The following CLCA1 variants were observed in gnomAD, a reference collection of about 807,000 sequenced individuals.
The protein encoded by CLCA1 is calcium-activated chloride channel regulator 1.
CLCA1 carries 59 observed loss-of-function variants against 85.6 expected under a neutral mutation model. That is an observed-to-expected ratio of 0.69 (90% CI 0.56 to 0.86). CLCA1 has a LOEUF of 0.86. Ranked by LOEUF, CLCA1 falls within the 40% of genes least tolerant of loss-of-function variation. The probability of loss-of-function intolerance (pLI) is 0.00; values close to 1 mark genes in which losing one functional copy is unlikely to be tolerated. For synonymous variants in CLCA1, 396 were observed against 398.3 expected, an observed-to-expected ratio of 0.99 and a Z score of 0.07; for missense variants, 1,022 against 1,101.4, an observed-to-expected ratio of 0.93 and a Z score of 1.02.
At chr1:86,481,263 A>T (rs1647812931) in intron 4 of CLCA1, among the ~76,000 whole-genome samples, 1 of 151,852 alleles carries the variant, frequency 6.6e-6, no homozygotes, top group South Asian at 2.1e-4. Context: ...TAGCTTCCCG[A>T]GTAGCTGGGA....
chr1:86,493,735 A>G (rs2101746292), intron 10 of CLCA1, 136 bp downstream of exon 10: 1 of 677,612 alleles, frequency 1.5e-6, no homozygotes, highest in Non-Finnish European at 2.5e-6. Flanking sequence ...AACGAGGAAA[A>G]AAAATCTCCA....
Position 86,489,022 on chromosome 1 carries a change from T to A in CLCA1, c.1209T>A (p.Asp403Glu). Residue 403 changes from aspartate to glutamate, a missense_variant, in exon 8 of 14, where the codon GAT becomes GAA. Asp to Glu is a conservative substitution (Grantham distance 45). Transcript: ENST00000394711. ...FTVIRKKYPTDGSEIVLLTDG... is the reference protein window; with the variant it reads ...FTVIRKKYPTEGSEIVLLTDG... Reference sequence around the variant, plus strand: ...TGATTAGGAAGAAATATCCAACTGATGGATCTGAAATTGTGCTGCTGACGG... The same window carrying A: ...TGATTAGGAAGAAATATCCAACTGAAGGATCTGAAATTGTGCTGCTGACGG... 6.2e-7 allele frequency: 1 copy of A among 1,614,074 alleles called. No individual in the cohort carries two copies. The highest frequency in any genetic ancestry group is 8.5e-7 in the Non-Finnish European group (1 of 1,179,974).
rs772061363 is a variant in CLCA1 at position 86,486,571 on chromosome 1, C to G, written c.1000C>G (p.Leu334Val). The G allele has an allele frequency of 1.4e-5, 22 of 1,614,026 alleles. No homozygotes were observed. In the Admixed American group the frequency reaches 3.7e-4, roughly 27 times the overall value. The change falls in exon 7 of 14, where the codon CTG (leucine) becomes GTG (valine). Residue 334 changes from leucine (L) to valine (V), a missense_variant. By Grantham distance (32) the Leu-to-Val change is conservative (BLOSUM62 1). Transcript: ENST00000394711. ...NRLNQAGQLF[L>V]LQTVELGSWV... ...ACTGAATCAAGCAGGCCAGCTTTTCCTGCTGCAGACAGTTGAGCTGGGGTC... is the reference window on the plus strand; with the variant it reads ...ACTGAATCAAGCAGGCCAGCTTTTCGTGCTGCAGACAGTTGAGCTGGGGTC...
intron 8 of CLCA1, among the ~76,000 whole-genome samples, chr1:86,489,395 G>A (rs1648076307): frequency 1.3e-5 from 2 of 152,172 alleles, no homozygotes; most frequent in African/African-American, 4.8e-5. Context: ...AACTAGCACA[G>A]CACTCTAGTG....
intron 5 of CLCA1, 70 bp from the exon 6 acceptor site, chr1:86,485,273 G>A (rs530443387): frequency 1.6e-6 from 2 of 1,217,198 alleles, no homozygotes; most frequent in African/African-American, 3.0e-5. Context: ...GAGCAGACAG[G>A]TCTAACAAAT....
chr1:86,483,356 C>T (rs746091690), intron 5 of CLCA1, among the ~76,000 whole-genome samples: 20 of 151,954 alleles, frequency 1.3e-4, no homozygotes, highest in Non-Finnish European at 2.6e-4. Context: ...AAAACATTAC[C>T]GAAACACATG....
intron 10 of CLCA1, 38 bp from the exon 11 acceptor site, chr1:86,494,149 A>G: frequency 1.2e-6 from 2 of 1,610,354 alleles, no homozygotes; most frequent in Non-Finnish European, 1.7e-6. Context: ...TGTCACCTGA[A>G]GTTATTCATT....
chr1:86,498,628 A>G lies in CLCA1; in HGVS notation c.2170A>G (p.Lys724Glu). ...AATTAATAAGGATGATGTTCAACAC[A>G]AGCAAGTGTGTTTCAGCAGAACATC... ...PEINKDDVQH[K>E]QVCFSRTSSG... Residue 724 changes from lysine (K) to glutamate (E), a missense_variant, in exon 13 of 14, where the codon AAG becomes GAG. By Grantham distance (56) the Lys-to-Glu change is moderately conservative (BLOSUM62 1). Coordinates refer to ENST00000394711, the MANE Select transcript of CLCA1 (RefSeq NM_001285.4). 1 of 1,614,034 alleles carries G rather than the reference A, an allele frequency of 6.2e-7. No homozygotes were observed. The highest frequency in any genetic ancestry group is 8.5e-7 in the Non-Finnish European group (1 of 1,179,974).
At chr1:86,474,581 A>C (rs1053693009) in intron 3 of CLCA1, among the ~76,000 whole-genome samples, 1 of 150,816 alleles carries the variant, frequency 6.6e-6, no homozygotes, top group African/African-American at 2.4e-5. Context: ...GGGGATTCTC[A>C]TTCATTAGGT....
In CLCA1 at chr1:86,491,256, G is replaced by T; in HGVS notation, c.1358-9G>T. ...GAAAATAATTTCTGAAAATGTAATTGCATTTTAGGAGGTTTACAGACATAT... is the reference window on the plus strand; with the variant it reads ...GAAAATAATTTCTGAAAATGTAATTTCATTTTAGGAGGTTTACAGACATAT... On this transcript the variant is annotated splice_polypyrimidine_tract_variant and intron_variant, in intron 8 of 13. Coordinates refer to ENST00000394711, the MANE Select transcript of CLCA1 (RefSeq NM_001285.4). 6.3e-7 allele frequency: 1 copy of T among 1,585,524 alleles called. No homozygotes were observed. Among genetic ancestry groups the T allele is most frequent in the Middle Eastern group, 1.7e-4 (1 of 5,990 alleles).
chr1:86,494,183 T>A lies in CLCA1; in HGVS notation c.1681-4T>A, dbSNP rs1648211573. 8 of 1,613,922 alleles carry A rather than the reference T, an allele frequency of 5.0e-6. No homozygotes were observed. Among genetic ancestry groups the A allele is most frequent in the Non-Finnish European group, 6.8e-6 (8 of 1,179,788 alleles). The stretch of plus-strand genomic sequence containing the variant: ...TTGGAAATGTTTACATGTGTTTTGG[T>A]CAGGTTGGCACTTGGAAATACAGTC... On this transcript the variant is annotated splice_region_variant and splice_polypyrimidine_tract_variant and intron_variant, in intron 10 of 13. Coordinates refer to ENST00000394711, the MANE Select transcript of CLCA1 (RefSeq NM_001285.4).
chr1:86,474,082 A>G (rs1558133125), intron 3 of CLCA1, among the ~76,000 whole-genome samples: 1 of 152,246 alleles, frequency 6.6e-6, no homozygotes, highest in Non-Finnish European at 1.5e-5. Flanking sequence ...TACTTTAGAT[A>G]CATGTATAAA....
Position 86,499,816 on chromosome 1 carries a change from A to G in CLCA1, c.2516A>G (p.Asp839Gly). The change falls in exon 14 of 14, where the codon GAT (aspartate) becomes GGT (glycine). Residue 839 changes from aspartate (D) to glycine (G), a missense_variant. By Grantham distance (94) the Asp-to-Gly change is moderately conservative. Transcript: ENST00000394711. Reference protein sequence around the residue: ...PENITFENGTDLFIAIQAVDK... With the variant: ...PENITFENGTGLFIAIQAVDK... ...AACATTACTTTTGAAAATGGCACAGATCTTTTCATTGCTATTCAGGCTGTT... is the reference window on the plus strand; with the variant it reads ...AACATTACTTTTGAAAATGGCACAGGTCTTTTCATTGCTATTCAGGCTGTT... 1.2e-6 allele frequency: 2 copies of G among 1,613,736 alleles called. No homozygotes were observed. Among genetic ancestry groups the G allele is most frequent in the Non-Finnish European group, 1.7e-6 (2 of 1,179,580 alleles).
At chr1:86,495,391 G>T in intron 11 of CLCA1, 114 bp from the exon 12 acceptor site, 1 of 810,090 alleles carries the variant, frequency 1.2e-6, no homozygotes, top group Non-Finnish European at 2.0e-6. Context: ...AAGGTCTCTT[G>T]GAGCTAATGC....
chr1:86,492,446 G>C (rs1391076919), intron 9 of CLCA1, among the ~76,000 whole-genome samples: 1 of 152,132 alleles, frequency 6.6e-6, no homozygotes, highest in African/African-American at 2.4e-5. Flanking sequence ...GAGAGAGAGA[G>C]AGATGGAGAA....
rs369142392 is a variant in CLCA1, at chr1:86,495,609, G to A, written c.2047G>A (p.Ala683Thr). 2.0e-5 allele frequency: 32 copies of A among 1,614,016 alleles called. No individual in the cohort carries two copies. Among genetic ancestry groups the A allele is most frequent in the Non-Finnish European group, 2.5e-5 (29 of 1,179,998 alleles). Residue 683 changes from alanine to threonine, a missense_variant, in exon 12 of 14, where the codon GCA becomes ACA. By Grantham distance (58) the Ala-to-Thr change is moderately conservative (BLOSUM62 0). Coordinates refer to ENST00000394711, the MANE Select transcript of CLCA1 (RefSeq NM_001285.4). ...AGTGCGGGCTCTGGGAGGAGTTAACGCAGCCAGACGGAGAGTGATACCCCA... is the reference window on the plus strand; with the variant it reads ...AGTGCGGGCTCTGGGAGGAGTTAACACAGCCAGACGGAGAGTGATACCCCA... Reference protein sequence around the residue: ...VKVRALGGVNAARRRVIPQQS... With the variant: ...VKVRALGGVNTARRRVIPQQS...
chr1:86,492,398 T>C (rs1459040824), intron 9 of CLCA1, among the ~76,000 whole-genome samples: 1 of 151,846 alleles, frequency 6.6e-6, no homozygotes, highest in African/African-American at 2.4e-5. Context: ...TTTAGGAAAT[T>C]TCTGCCTATG....
At chr1:86,469,756 C>T (rs2101725043) in intron 1 of CLCA1, among the ~76,000 whole-genome samples, 1 of 152,280 alleles carries the variant, frequency 6.6e-6, no homozygotes, top group East Asian at 1.9e-4. Context: ...TGTACAACAA[C>T]AAACAGCTAA....
chr1:86,485,727 A>G (rs1647947650), intron 6 of CLCA1, among the ~76,000 whole-genome samples, 166 bp downstream of exon 6: 1 of 152,222 alleles, frequency 6.6e-6, no homozygotes, highest in South Asian at 2.1e-4. Flanking sequence ...ACAAAGGTTC[A>G]GCATCAACTA....
Sources: gnomAD v4.1 joint callset for allele counts (sites outside exome capture counted in the v4.1 genomes callset) on GRCh38, gnomAD v4.1.1 for gene constraint, MANE v1.5 for transcripts, NCBI Gene and HGNC (gene_info 2026-07-23, HGNC 2026-07-21) for gene names.